STPG2: variants seen among roughly 807,000 people sequenced by gnomAD.
The protein encoded by STPG2 is sperm tail PG-rich repeat containing 2.
A neutral mutation model predicts 54.2 loss-of-function variants in STPG2; 56 were observed. The observed-to-expected ratio is 1.03, with a 90% CI of 0.83 to 1.29. The LOEUF (loss-of-function observed/expected upper bound fraction) is 1.29, where lower values mean the gene tolerates loss of function less well. Ranked by LOEUF, STPG2 falls within the 50% of genes most tolerant of loss-of-function variation. STPG2 has a pLI of 0.00. For synonymous variants in STPG2, 200 were observed against 181.8 expected (o/e 1.10, Z -0.81); for missense variants, 596 against 544.9 (o/e 1.09, Z -0.93).
At chr4:97,978,674 A>C (rs766824489) in intron 6 of STPG2, among the ~76,000 whole-genome samples, 28 of 152,332 alleles carry the variant, frequency 1.8e-4, no homozygotes, top group South Asian at 1.5e-3. Flanking sequence ...AGTTAAAAAT[A>C]AATAAAAAGT....
chr4:98,114,597 A>G (rs1018566210), intron 3 of STPG2, among the ~76,000 whole-genome samples: 1 of 152,086 alleles, frequency 6.6e-6, no homozygotes, highest in African/African-American at 2.4e-5. Flanking sequence ...GACCTTGAGC[A>G]GGATTCTATT....
chr4:97,470,453 C>T (rs1309364731), intron 4 of STPG2, among the ~76,000 whole-genome samples: 1 of 151,994 alleles, frequency 6.6e-6, no homozygotes, highest in Non-Finnish European at 1.5e-5. Flanking sequence ...CATTATACAA[C>T]ATGTAATCTT....
At chr4:97,637,726 G>A (rs1721608116) in intron 10 of STPG2, among the ~76,000 whole-genome samples, 2 of 152,114 alleles carry the variant, frequency 1.3e-5, no homozygotes, top group South Asian at 2.1e-4. Flanking sequence ...CAAATCATGA[G>A]TGAACTCCCA....
intron 5 of STPG2, among the ~76,000 whole-genome samples, chr4:97,986,122 A>G (rs1158064553): frequency 6.6e-6 from 1 of 152,134 alleles, no homozygotes; most frequent in Non-Finnish European, 1.5e-5. Context: ...AATCATGTTA[A>G]TTTTATCTCC....
At chr4:97,627,976 A>T (rs902860057) in intron 10 of STPG2, among the ~76,000 whole-genome samples, 2 of 152,134 alleles carry the variant, frequency 1.3e-5, no homozygotes, top group Non-Finnish European at 2.9e-5. Context: ...TCAGACATTC[A>T]AAGGATTGAA....
chr4:97,888,250 C>T (rs1348886019), intron 8 of STPG2, among the ~76,000 whole-genome samples: 3 of 152,138 alleles, frequency 2.0e-5, no homozygotes, highest in Non-Finnish European at 2.9e-5. Flanking sequence ...ATCCTCCAGA[C>T]CCCAGAATGG....
intron 4 of STPG2, among the ~76,000 whole-genome samples, chr4:97,478,857 AG>A (rs1730143810): frequency 6.7e-6 from 1 of 149,172 alleles, no homozygotes; most frequent in Non-Finnish European, 1.5e-5. Context: ...AATGAACCCT[AG>A]AAACCAAGCC....
intron 4 of STPG2, among the ~76,000 whole-genome samples, chr4:97,453,774 G>C (rs1729439762): frequency 6.6e-6 from 1 of 152,100 alleles, no homozygotes; most frequent in South Asian, 2.1e-4. Context: ...CTAGTATTGA[G>C]AGGTCCCAGG....
At chr4:97,565,903 A>C (rs748141755) in intron 10 of STPG2, among the ~76,000 whole-genome samples, 19 of 152,146 alleles carry the variant, frequency 1.2e-4, no homozygotes, top group Non-Finnish European at 1.9e-4. Flanking sequence ...CCACTTGAGG[A>C]GGCAGTCTGC....
At chr4:97,903,684 G>A (rs1731268845) in intron 8 of STPG2, among the ~76,000 whole-genome samples, 1 of 152,198 alleles carries the variant, frequency 6.6e-6, no homozygotes, top group African/African-American at 2.4e-5. Flanking sequence ...TCCATCTGAG[G>A]TACTGGGTTC....
At chr4:97,566,719 C>A (rs1003335253) in intron 10 of STPG2, among the ~76,000 whole-genome samples, 5 of 151,986 alleles carry the variant, frequency 3.3e-5, no homozygotes, top group Non-Finnish European at 5.9e-5. Context: ...ATGATGAGTT[C>A]ATGTCCTTTG....
chr4:97,742,565 G>GTGTA (rs139609147), intron 9 of STPG2, among the ~76,000 whole-genome samples: 2 of 118,214 alleles, frequency 1.7e-5, no homozygotes, highest in African/African-American at 3.3e-5. Context: ...GTGTGTGTGT[G>GTGTA]TCTATATATA....
intron 5 of STPG2, among the ~76,000 whole-genome samples, chr4:98,104,708 T>C (rs1183402723): frequency 6.6e-6 from 1 of 152,190 alleles, no homozygotes; most frequent in Non-Finnish European, 1.5e-5. Context: ...TAAACAAGCC[T>C]CTGGGTAAGC....
chr4:97,737,175 G>A (rs1393807128), intron 9 of STPG2, among the ~76,000 whole-genome samples: 3 of 152,072 alleles, frequency 2.0e-5, no homozygotes, highest in African/African-American at 4.8e-5. Context: ...GAAAACTAAT[G>A]AACAGAAAGG....
chr4:98,057,487 A>G (rs1194711324), intron 5 of STPG2, among the ~76,000 whole-genome samples: 1 of 152,132 alleles, frequency 6.6e-6, no homozygotes, highest in African/African-American at 2.4e-5. Flanking sequence ...TTCTAAAATA[A>G]GCCAGGCAGA....
intron 4 of STPG2, among the ~76,000 whole-genome samples, chr4:97,482,003 A>C (rs913892523): frequency 6.6e-6 from 1 of 151,602 alleles, no homozygotes; most frequent in Non-Finnish European, 1.5e-5. Context: ...ATTAGCTTGA[A>C]AATGAGTCTT....
chr4:98,050,457 A>AG (rs397726361), intron 5 of STPG2, among the ~76,000 whole-genome samples: 6 of 151,828 alleles, frequency 4.0e-5, no homozygotes, highest in Non-Finnish European at 4.4e-5. Context: ...TTTAAAAAAA[A>AG]GGGGGTTCTG....
chr4:97,756,532 G>A (rs1356960203), intron 9 of STPG2, among the ~76,000 whole-genome samples: 1 of 151,868 alleles, frequency 6.6e-6, no homozygotes, highest in Non-Finnish European at 1.5e-5. Flanking sequence ...CACCATGTTG[G>A]CCAGGCTGGT....
At chr4:97,462,094 C>A (rs1729678722) in intron 4 of STPG2, among the ~76,000 whole-genome samples, 2 of 151,900 alleles carry the variant, frequency 1.3e-5, no homozygotes, top group Admixed American at 6.6e-5. Context: ...CTTAGATCAA[C>A]AACACATCTG....
Sources: gnomAD v4.1 joint callset for allele counts (sites outside exome capture counted in the v4.1 genomes callset) on GRCh38, gnomAD v4.1.1 for gene constraint, MANE v1.5 for transcripts, NCBI Gene and HGNC (gene_info 2026-07-23, HGNC 2026-07-21) for gene names.